DIAPH2: variants seen among roughly 807,000 people sequenced by gnomAD.
The protein encoded by DIAPH2 is protein diaphanous homolog 2.
Under a neutral mutation model 92.7 loss-of-function variants are expected in DIAPH2, and 35 were observed. The observed-to-expected ratio is 0.38, with a 90% confidence interval of 0.29 to 0.50. DIAPH2 has a LOEUF of 0.50. Among genes scored for constraint, DIAPH2 ranks in the 20% least tolerant of loss-of-function variants. The pLI is 0.94. For missense variants in DIAPH2, 701 were observed against 819.5 expected (o/e 0.86, Z 1.77); for synonymous variants, 301 against 280.4 (o/e 1.07, Z -0.73).
intron 4 of DIAPH2, among the ~76,000 whole-genome samples, chrX:96,759,832 G>C (rs1308368318): frequency 2.7e-5 from 3 of 111,563 alleles, no homozygotes; most frequent in Non-Finnish European, 5.7e-5. Context: ...TGCAGAACTT[G>C]TTTTCATTTA....
At chrX:97,062,334 A>G (rs1450957052) in intron 17 of DIAPH2, among the ~76,000 whole-genome samples, 1 of 112,129 alleles carries the variant, frequency 8.9e-6, no homozygotes, top group Non-Finnish European at 1.9e-5. Context: ...GAGCTATTAT[A>G]GAGTGTTGTG....
chrX:97,414,610 C>T (rs776849903), intron 25 of DIAPH2, among the ~76,000 whole-genome samples: 3 of 102,904 alleles, frequency 2.9e-5, no homozygotes, highest in South Asian at 9.3e-4. Flanking sequence ...TGGGAGATCA[C>T]GCCACTGTAC....
chrX:97,088,595 A>T (rs994126813), intron 19 of DIAPH2, among the ~76,000 whole-genome samples: 1 of 111,826 alleles, frequency 8.9e-6, no homozygotes, highest in African/African-American at 3.2e-5. Context: ...ACAAGGCTAT[A>T]TTGAATGGGT....
intron 26 of DIAPH2, among the ~76,000 whole-genome samples, chrX:97,577,616 G>C (rs1035250181): frequency 1.6e-4 from 18 of 111,853 alleles, no homozygotes; most frequent in African/African-American, 5.8e-4. Flanking sequence ...AGAAGGCAAA[G>C]TGGGTACATA....
At chrX:97,234,045 G>C (rs2068027839) in intron 22 of DIAPH2, among the ~76,000 whole-genome samples, 1 of 110,236 alleles carries the variant, frequency 9.1e-6, no homozygotes. Context: ...AAGAAATCCA[G>C]AGGCACAGTG....
chrX:97,082,629 C>T (rs1279230377), intron 19 of DIAPH2, among the ~76,000 whole-genome samples: 1 of 110,953 alleles, frequency 9.0e-6, no homozygotes, highest in Non-Finnish European at 1.9e-5. Context: ...GAGACTCCAT[C>T]TCAAAAACAA....
chrX:96,908,694 G>C, intron 5 of DIAPH2, among the ~76,000 whole-genome samples: 1 of 110,939 alleles, frequency 9.0e-6, no homozygotes, highest in African/African-American at 3.3e-5. Flanking sequence ...CGTCTCCTGG[G>C]TTCACGCCAT....
At chrX:96,721,326 A>G (rs747708367) in intron 1 of DIAPH2, among the ~76,000 whole-genome samples, 7 of 112,219 alleles carry the variant, frequency 6.2e-5, no homozygotes, top group Non-Finnish European at 1.3e-4. Flanking sequence ...GATCATTAAC[A>G]TTTATTTCAT....
At chrX:96,688,175 C>T (rs1569365901) in intron 1 of DIAPH2, among the ~76,000 whole-genome samples, 1 of 111,802 alleles carries the variant, frequency 8.9e-6, no homozygotes, top group Non-Finnish European at 1.9e-5. Flanking sequence ...TGTAGAGTGA[C>T]CTAACAGTAT....
intron 23 of DIAPH2, among the ~76,000 whole-genome samples, chrX:97,248,622 A>C: frequency 9.0e-6 from 1 of 111,691 alleles, no homozygotes; most frequent in East Asian, 2.8e-4. Flanking sequence ...TTAAATAAGT[A>C]TCTTGAACTG....
At chrX:97,321,766 G>A (rs1242846642) in intron 23 of DIAPH2, among the ~76,000 whole-genome samples, 1 of 109,897 alleles carries the variant, frequency 9.1e-6, no homozygotes, top group East Asian at 2.9e-4. Context: ...AGCCAGGATG[G>A]TCTCTAGTTC....
At chrX:97,242,094 T>C (rs1005222727) in intron 22 of DIAPH2, among the ~76,000 whole-genome samples, 7 of 111,529 alleles carry the variant, frequency 6.3e-5, no homozygotes, top group African/African-American at 1.3e-4. Flanking sequence ...ATTTTTCTTA[T>C]GAGTAAATAA....
At chrX:97,176,684 T>C (rs751036507) in intron 22 of DIAPH2, among the ~76,000 whole-genome samples, 6 of 110,796 alleles carry the variant, frequency 5.4e-5, no homozygotes, top group African/African-American at 1.3e-4. Flanking sequence ...CCTGCCACCA[T>C]GCCCGGCTAA....
intron 17 of DIAPH2, among the ~76,000 whole-genome samples, chrX:97,030,034 C>A (rs2066362947): frequency 9.0e-6 from 1 of 111,693 alleles, no homozygotes; most frequent in Admixed American, 9.6e-5. Context: ...CCATTACCTT[C>A]TCTGATGGTT....
chrX:97,168,089 C>CTTT (rs59856390), intron 22 of DIAPH2, among the ~76,000 whole-genome samples: 2 of 96,707 alleles, frequency 2.1e-5, no homozygotes, highest in African/African-American at 3.8e-5. Context: ...ATTAGACAGT[C>CTTT]TTTTTTTTTT....
At chrX:97,476,319 A>G (rs2070602703) in intron 26 of DIAPH2, among the ~76,000 whole-genome samples, 1 of 112,050 alleles carries the variant, frequency 8.9e-6, no homozygotes, top group Non-Finnish European at 1.9e-5. Context: ...GTGTAAGTTT[A>G]CACTTAAGCC....
At chrX:97,310,903 G>A (rs1259133248) in intron 23 of DIAPH2, among the ~76,000 whole-genome samples, 2 of 111,694 alleles carry the variant, frequency 1.8e-5, no homozygotes, top group African/African-American at 6.5e-5. Context: ...GCGCTACTTG[G>A]GAGGCTGGGG....
At chrX:97,090,901 C>G (rs1361048632) in intron 19 of DIAPH2, among the ~76,000 whole-genome samples, 2 of 111,829 alleles carry the variant, frequency 1.8e-5, no homozygotes, top group African/African-American at 3.3e-5. Context: ...CATTGTTTAC[C>G]CTTCTCCCCA....
chrX:97,557,175 C>T (rs1479135259), intron 26 of DIAPH2, among the ~76,000 whole-genome samples: 2 of 111,721 alleles, frequency 1.8e-5, no homozygotes, highest in African/African-American at 6.5e-5. Flanking sequence ...TAGGGAGCGG[C>T]AGAATACATA....
Sources: allele counts gnomAD v4.1 joint callset (sites outside exome capture counted in the v4.1 genomes callset), GRCh38; gene constraint gnomAD v4.1.1; transcripts MANE v1.5; gene names NCBI Gene and HGNC (gene_info 2026-07-23, HGNC 2026-07-21).